SUMF1: variants seen among roughly 807,000 people sequenced by gnomAD.
SUMF1 encodes formylglycine-generating enzyme.
In SUMF1, 48 loss-of-function variants were observed where a neutral mutation model predicts 47.6. That is an observed-to-expected ratio of 1.01 (90% CI 0.80 to 1.28). SUMF1 has a LOEUF of 1.28. Among genes scored for constraint, SUMF1 ranks in the 50% most tolerant of loss-of-function variants. The probability of loss-of-function intolerance (pLI) is 0.00; values close to 1 mark genes in which losing one functional copy is unlikely to be tolerated. For missense variants in SUMF1, 571 were observed against 485.4 expected, an observed-to-expected ratio of 1.18 and a Z score of -1.66; for synonymous variants, 230 against 192.1, an observed-to-expected ratio of 1.20 and a Z score of -1.63.
intron 8 of SUMF1, among the ~76,000 whole-genome samples, chr3:4,267,334 G>A (rs914270422): frequency 2.6e-5 from 4 of 152,112 alleles, no homozygotes; most frequent in African/African-American, 2.4e-5. Context: ...GGTAGAATTC[G>A]GCTGTGAATC....
At chr3:4,428,690 A>G (rs1469867464) in intron 3 of SUMF1, among the ~76,000 whole-genome samples, 1 of 143,134 alleles carries the variant, frequency 7.0e-6, no homozygotes, top group Non-Finnish European at 1.5e-5. Flanking sequence ...TCTACAGCGA[A>G]CATATTTTTT....
In SUMF1 at chr3:4,254,203, C is replaced by T. The variant is rs375450169; in HGVS notation, c.1014+122127G>A. Among the ~76,000 whole-genome samples, 130 of 151,962 alleles carry T rather than the reference C, an allele frequency of 8.6e-4. 3 individuals carry two copies. Among genetic ancestry groups the T allele is most frequent in the East Asian group, 6.6e-3 (34 of 5,176 alleles). On this transcript the variant is annotated intron_variant and NMD_transcript_variant, in intron 8 of 12. Coordinates refer to the SUMF1 transcript ENST00000448413. ...AAACTGGAAACTCTAAAAAGCAGAG[C>T]GCCTCTCCTCCTCCAAAGGAACACA...
intron 8 of SUMF1, among the ~76,000 whole-genome samples, chr3:4,093,903 G>A (rs1692842944): frequency 6.6e-6 from 1 of 151,986 alleles, no homozygotes; most frequent in South Asian, 2.1e-4. Context: ...CTAAGAGAGG[G>A]GATAAATATT....
intron 8 of SUMF1, among the ~76,000 whole-genome samples, chr3:4,208,304 A>C (rs1345671325): frequency 6.6e-6 from 1 of 152,092 alleles, no homozygotes; most frequent in Admixed American, 6.6e-5. Context: ...GTCATGGTCC[A>C]GGGACACAGT....
At chr3:4,221,947 T>A (rs529100244) in intron 8 of SUMF1, among the ~76,000 whole-genome samples, 2 of 151,856 alleles carry the variant, frequency 1.3e-5, no homozygotes, top group South Asian at 4.2e-4. Flanking sequence ...ATCCTCTGAT[T>A]TTTTTTTGCA....
intron 3 of SUMF1, among the ~76,000 whole-genome samples, chr3:4,437,610 A>G (rs1376337069): frequency 6.6e-6 from 1 of 152,226 alleles, no homozygotes; most frequent in Non-Finnish European, 1.5e-5. Flanking sequence ...TATTATTTAC[A>G]ATGATATACC....
chr3:4,353,430 T>C (rs112432964), intron 8 of SUMF1, among the ~76,000 whole-genome samples: 1 of 152,276 alleles, frequency 6.6e-6, no homozygotes, highest in Non-Finnish European at 1.5e-5. Context: ...TTTTTTGTAT[T>C]TTTAGTAGAG....
chr3:4,170,383 G>T (rs900585882), intron 8 of SUMF1, among the ~76,000 whole-genome samples: 4 of 152,148 alleles, frequency 2.6e-5, no homozygotes, highest in African/African-American at 7.2e-5. Context: ...TGGGGGTAGG[G>T]CCTGAGCATT....
At chr3:4,444,927 A>T (rs1702728514) in intron 3 of SUMF1, among the ~76,000 whole-genome samples, 1 of 152,190 alleles carries the variant, frequency 6.6e-6, no homozygotes, top group Non-Finnish European at 1.5e-5. Context: ...GAGGGAGCAG[A>T]TCTTGGCCTC....
chr3:4,238,736 C>G (rs1016341724), intron 8 of SUMF1, among the ~76,000 whole-genome samples: 1 of 152,158 alleles, frequency 6.6e-6, no homozygotes, highest in African/African-American at 2.4e-5. Flanking sequence ...CCTGTTCACT[C>G]TGATGGTAGT....
chr3:4,091,959 A>G (rs1240285127), intron 8 of SUMF1, among the ~76,000 whole-genome samples: 1 of 151,838 alleles, frequency 6.6e-6, no homozygotes, highest in Non-Finnish European at 1.5e-5. Flanking sequence ...CAGCTGCAAT[A>G]CATTTAGGCA....
At chr3:4,242,560 T>C (rs919518873) in intron 8 of SUMF1, among the ~76,000 whole-genome samples, 14 of 152,246 alleles carry the variant, frequency 9.2e-5, no homozygotes, top group Non-Finnish European at 1.9e-4. Context: ...GTTCTGTTTA[T>C]GTGATAGATT....
intron 8 of SUMF1, among the ~76,000 whole-genome samples, chr3:4,308,098 T>C (rs976477047): frequency 3.9e-5 from 6 of 152,188 alleles, no homozygotes; most frequent in Non-Finnish European, 7.3e-5. Context: ...TATGTGCATA[T>C]TGCAGACAGT....
At chr3:4,147,498 CAA>C (rs1480901215) in intron 8 of SUMF1, among the ~76,000 whole-genome samples, 3 of 152,044 alleles carry the variant, frequency 2.0e-5, no homozygotes, top group Non-Finnish European at 2.9e-5. Flanking sequence ...TTAGAAAAGG[CAA>C]AGTTTTTAAC....
At chr3:4,354,573 G>GT (rs1210169780) in intron 8 of SUMF1, among the ~76,000 whole-genome samples, 4 of 152,172 alleles carry the variant, frequency 2.6e-5, no homozygotes, top group Non-Finnish European at 4.4e-5. Flanking sequence ...GCAGGATCAG[G>GT]TATTTCCAAA....
intron 8 of SUMF1, among the ~76,000 whole-genome samples, chr3:4,212,781 C>A (rs188483054): frequency 6.6e-6 from 1 of 151,994 alleles, no homozygotes; most frequent in East Asian, 1.9e-4. Flanking sequence ...GTATCAATAG[C>A]CGAATTGATC....
intron 7 of SUMF1, among the ~76,000 whole-genome samples, chr3:4,394,843 T>C (rs191800787): frequency 1.5e-4 from 23 of 152,326 alleles, no homozygotes; most frequent in African/African-American, 4.6e-4. Context: ...GCTTCTCCTG[T>C]ATGAAATCCA....
At chr3:4,041,584 G>C (rs1483434867) in intron 9 of SUMF1, among the ~76,000 whole-genome samples, 1 of 152,194 alleles carries the variant, frequency 6.6e-6, no homozygotes, top group African/African-American at 2.4e-5. Flanking sequence ...GATTGTCCCA[G>C]ATAGCTGGCA....
At chr3:4,300,616 T>G (rs1697943689) in intron 8 of SUMF1, among the ~76,000 whole-genome samples, 1 of 152,102 alleles carries the variant, frequency 6.6e-6, no homozygotes. Context: ...GAACTATGAG[T>G]GCAAAGAGTT....
Sources: gnomAD v4.1 joint callset for allele counts (sites outside exome capture counted in the v4.1 genomes callset) on GRCh38, gnomAD v4.1.1 for gene constraint, MANE v1.5 for transcripts, NCBI Gene and HGNC (gene_info 2026-07-23, HGNC 2026-07-21) for gene names.